LRRC23: variants seen among roughly 807,000 people sequenced by gnomAD.
LRRC23 encodes the protein leucine-rich repeat-containing protein 23.
In LRRC23, 28 loss-of-function variants were observed where a neutral mutation model predicts 37.7. That is an observed-to-expected ratio of 0.74 (90% CI 0.55 to 1.02). LRRC23 has a LOEUF of 1.02. Among genes scored for constraint, LRRC23 ranks in the 50% least tolerant of loss-of-function variants. LRRC23 has a pLI of 0.00. For missense variants in LRRC23, 377 were observed against 413.2 expected, an observed-to-expected ratio of 0.91 and a Z score of 0.76; for synonymous variants, 161 against 165.4, an observed-to-expected ratio of 0.97 and a Z score of 0.20.
At chr12:6,907,775 C>G (rs1164413975) in intron 5 of LRRC23, 4 of 536,740 alleles carry the variant, frequency 7.5e-6, no homozygotes, top group Non-Finnish European at 1.3e-5. Flanking sequence ...CTTACACTAC[C>G]ACCACAACAA....
rs781996460 is a variant in LRRC23, at chr12:6,912,964, G to C, written c.993G>C (p.Glu331Asp). Residue 331 changes from glutamate to aspartate, a missense_variant, in exon 7 of 8, where the codon GAG (glutamate) becomes GAC (aspartate). Glu to Asp is a conservative substitution (Grantham distance 45). Transcript: ENST00000443597. Reference protein sequence around the residue: ...RLKEEKEQEPEPQRDLEPEQS... With the variant: ...RLKEEKEQEPDPQRDLEPEQS... ...AGGAAGAAAAGGAGCAGGAGCCTGA[G>C]CCCCAGCGTGACCTGGAACCCGAAC... 6.2e-7 allele frequency: 1 copy of C among 1,613,996 alleles called. No homozygotes were observed. Among genetic ancestry groups the C allele is most frequent in the Admixed American group, 1.7e-5 (1 of 59,984 alleles).
intron 5 of LRRC23, among the ~76,000 whole-genome samples, chr12:6,909,442 A>C (rs1304989590): frequency 3.3e-5 from 3 of 90,806 alleles, no homozygotes; most frequent in Non-Finnish European, 5.8e-5. Context: ...ATTATATATA[A>C]TAGTATATAA....
intron 5 of LRRC23, among the ~76,000 whole-genome samples, chr12:6,908,807 G>C (rs1248242349): frequency 7.5e-6 from 1 of 133,970 alleles, no homozygotes; most frequent in African/African-American, 3.1e-5. Flanking sequence ...CTGGGCAACA[G>C]AGCTAGACTC....
chr12:6,908,102 G>T (rs782710514), intron 5 of LRRC23, among the ~76,000 whole-genome samples: 1 of 152,108 alleles, frequency 6.6e-6, no homozygotes, highest in Non-Finnish European at 1.5e-5. Flanking sequence ...TACAGATGAA[G>T]AGATGCTTAG....
intron 4 of LRRC23, 124 bp from the exon 5 acceptor site, chr12:6,907,191 C>T: frequency 8.8e-7 from 1 of 1,131,012 alleles, no homozygotes; most frequent in South Asian, 1.4e-5. Flanking sequence ...AAGTCTGGAG[C>T]TGGCCTTCCT....
chr12:6,907,697 G>A (rs1251846995), intron 5 of LRRC23: 15 of 596,332 alleles, frequency 2.5e-5, no homozygotes, highest in Non-Finnish European at 3.9e-5. Context: ...CCATAATTGA[G>A]GTACAAACAT....
At chr12:6,911,040 T>C (rs1399936351) in intron 6 of LRRC23, among the ~76,000 whole-genome samples, 14 of 152,256 alleles carry the variant, frequency 9.2e-5, no homozygotes, top group Admixed American at 2.0e-4. Flanking sequence ...TCGGTCCCAA[T>C]TCACCTTCCC....
At position 6,912,828 on chromosome 12, in the gene LRRC23, C is replaced by A. The variant is rs781929237; in HGVS notation, c.857C>A (p.Thr286Asn). The A allele has an allele frequency of 1.2e-6, 2 of 1,614,142 alleles. No individual in the cohort carries two copies. Among genetic ancestry groups the A allele is most frequent in the South Asian group, 2.2e-5 (2 of 91,072 alleles). The change falls in exon 7 of 8, where the codon ACC (threonine) becomes AAC (asparagine). Residue 286 changes from threonine (T) to asparagine (N), a missense_variant. Physicochemically the swap from Thr to Asn is moderately conservative, Grantham distance 65. Transcript: ENST00000443597. ...CTTGATAACCCATGCACGGACGAAA[C>A]CAGCTACCGCCAGGAGGCCCTGGTG... Reference protein sequence around the residue: ...VLLDNPCTDETSYRQEALVQM... With the variant: ...VLLDNPCTDENSYRQEALVQM...
At chr12:6,907,212 C>A in intron 4 of LRRC23, 103 bp from the exon 5 acceptor site, 1 of 1,401,796 alleles carries the variant, frequency 7.1e-7, no homozygotes, top group Non-Finnish European at 1.0e-6. Context: ...CAGTATCTAC[C>A]CTGCTTTGCG....
At chr12:6,907,879 AC>A (rs57322338) in intron 5 of LRRC23, 90,627 of 287,854 alleles carry the variant, frequency 0.31, 16,658 homozygotes, top group African/African-American at 0.58. Context: ...AATTCGATTC[AC>A]TGTCTACCTG....
rs1555139706 is a variant in LRRC23, at chr12:6,906,804, C to T, written c.490+142C>T. On this transcript the variant is annotated intron_variant, in intron 4 of 7. Coordinates refer to ENST00000443597, the MANE Select transcript of LRRC23 (RefSeq NM_001135217.2). ...AGATACGCAATATGATTCATTATGACAGTTCTACATGCTAACCATATAGGA... is the reference window on the plus strand; with the variant it reads ...AGATACGCAATATGATTCATTATGATAGTTCTACATGCTAACCATATAGGA... The T allele has an allele frequency of 6.5e-6, 6 of 916,046 alleles. No individual in the cohort carries two copies. The South Asian group carries it at 8.0e-5, about 12-fold the overall frequency. 56.7% of individuals were successfully genotyped at this position (916,046 alleles called of 1,614,324 possible).
intron 5 of LRRC23, among the ~76,000 whole-genome samples, chr12:6,908,610 A>AAAAC (rs1246054371): frequency 8.3e-6 from 1 of 121,130 alleles, no homozygotes; most frequent in East Asian, 2.2e-4. Context: ...AAAAAAAAAA[A>AAAAC]AAAAAAAAAA....
rs1555140933 is a variant in LRRC23, at chr12:6,912,802, G to A, written c.831G>A (p.Leu277=). The A allele has an allele frequency of 3.7e-6, 6 of 1,614,084 alleles. No homozygotes were observed. In the Admixed American group the frequency reaches 5.0e-5, roughly 13 times the overall value. Reference sequence around the variant, plus strand: ...TGCCCAAGCTGCGAGCGTTGGTGCTGCTTGATAACCCATGCACGGACGAAA... The same window carrying A: ...TGCCCAAGCTGCGAGCGTTGGTGCTACTTGATAACCCATGCACGGACGAAA... ...RDLPKLRALV[L]LDNPCTDETS... The change falls in exon 7 of 8, where the codon CTG becomes CTA. Residue 277 remains leucine (L), a synonymous_variant. Transcript: ENST00000443597.
At chr12:6,913,560 T>TTG (rs1945235225) in intron 7 of LRRC23, among the ~76,000 whole-genome samples, 2 of 106,276 alleles carry the variant, frequency 1.9e-5, no homozygotes, top group Non-Finnish European at 3.5e-5. Flanking sequence ...TGTTTGTTTT[T>TTG]TTTTTTTTTT....
At chr12:6,906,386 C>T in intron 3 of LRRC23, 23 bp from the exon 4 acceptor site, 1 of 1,609,214 alleles carries the variant, frequency 6.2e-7, no homozygotes, top group Non-Finnish European at 8.5e-7. Context: ...AACCTGGTTT[C>T]TTCTCCCTCT....
chr12:6,913,547 C>A, intron 7 of LRRC23, among the ~76,000 whole-genome samples: 1 of 104,438 alleles, frequency 9.6e-6, no homozygotes, highest in African/African-American at 5.1e-5. Flanking sequence ...CTTTATTTAC[C>A]TCTGTTTGTT....
At chr12:6,909,080 T>A (rs1163849465) in intron 5 of LRRC23, among the ~76,000 whole-genome samples, 3 of 40,102 alleles carry the variant, frequency 7.5e-5, no homozygotes, top group Admixed American at 4.2e-4. Flanking sequence ...TATTATATAT[T>A]ATATAATTAT....
chr12:6,911,078 CA>C (rs1945149368), intron 6 of LRRC23, among the ~76,000 whole-genome samples: 1 of 152,134 alleles, frequency 6.6e-6, no homozygotes, highest in Admixed American at 6.5e-5. Context: ...TCCTGAGCCC[CA>C]CCTGTAAGGG....
chr12:6,909,611 G>T (rs34371942), intron 5 of LRRC23, among the ~76,000 whole-genome samples: 52,079 of 144,608 alleles, frequency 0.36, 10,747 homozygotes, highest in African/African-American at 0.58. Context: ...GTGGCCTGGG[G>T]GCTCCTGGGC....
Sources: allele counts gnomAD v4.1 joint callset (sites outside exome capture counted in the v4.1 genomes callset), GRCh38; gene constraint gnomAD v4.1.1; transcripts MANE v1.5; gene names NCBI Gene and HGNC (gene_info 2026-07-23, HGNC 2026-07-21).